Variants in ZMYM2 observed in about 807,000 individuals in gnomAD.
The protein encoded by ZMYM2 is zinc finger MYM-type containing 2, also known as zinc finger MYM-type protein 2.
Under a neutral mutation model 162.8 loss-of-function variants are expected in ZMYM2, and 56 were observed. The ratio of observed to expected loss-of-function variants is 0.34; its 90% CI spans 0.28 to 0.43. The LOEUF (loss-of-function observed/expected upper bound fraction) is 0.43. Ranked by LOEUF, ZMYM2 falls within the 20% of genes least tolerant of loss-of-function variation. The pLI, the probability that ZMYM2 is intolerant of heterozygous loss-of-function variation, is 1.00. For missense variants in ZMYM2, 1,275 were observed against 1,621.8 expected, an observed-to-expected ratio of 0.79 and a Z score of 3.67; for synonymous variants, 510 against 541.6, an observed-to-expected ratio of 0.94 and a Z score of 0.81.
the ZMYM2 span, among the ~76,000 whole-genome samples, chr13:19,950,168 A>G: frequency 2.0e-5 from 3 of 152,272 alleles, no homozygotes; most frequent in Admixed American, 2.0e-4. Flanking sequence ...CTGTGGTCCC[A>G]GCTACTTAGG....
At chr13:19,939,148 C>T in the ZMYM2 span, among the ~76,000 whole-genome samples, 16 of 151,196 alleles carry the variant, frequency 1.1e-4, no homozygotes, top group African/African-American at 3.2e-4. Flanking sequence ...CTCAGGCTCC[C>T]GAGTAACTGG....
chr13:19,921,749 G>T, the ZMYM2 span, among the ~76,000 whole-genome samples: 1 of 151,844 alleles, frequency 6.6e-6, no homozygotes, highest in Non-Finnish European at 1.5e-5. Flanking sequence ...ACCAAATTTT[G>T]TATGTGGTGT....
rs1336288026 is a variant in ZMYM2 at position 20,027,242 on chromosome 13, T to C, written c.1775T>C (p.Leu592Ser). 6.3e-7 allele frequency: 1 copy of C among 1,584,812 alleles called. No individual in the cohort carries two copies. Among genetic ancestry groups the C allele is most frequent in the Non-Finnish European group, 8.6e-7 (1 of 1,163,594 alleles). Residue 592 changes from leucine (L) to serine (S), a missense_variant, in exon 9 of 25, where the codon TTA (leucine) becomes TCA (serine). Leu to Ser is a moderately radical substitution (Grantham distance 145). This residue lies in a region of ZMYM2 where 276 missense variants were observed against 311.8 expected (regional missense o/e 0.89). Coordinates refer to ENST00000610343, the MANE Select transcript of ZMYM2 (RefSeq NM_197968.4). The stretch of plus-strand genomic sequence containing the variant: ...TGCCATTTTTGTAAGCGAAACTCTT[T>C]ACCTCAATACCAAGCCACAATGCCT... Reference protein sequence around the residue: ...IICHFCKRNSLPQYQATMPDG... With the variant: ...IICHFCKRNSSPQYQATMPDG...
chr13:20,060,539 A>G (rs1956150994), intron 16 of ZMYM2, among the ~76,000 whole-genome samples: 2 of 152,136 alleles, frequency 1.3e-5, no homozygotes, highest in South Asian at 2.1e-4. Flanking sequence ...TTAGTTGGGC[A>G]TGGTGGCACA....
Position 20,082,893 on chromosome 13 carries a change from T to C in ZMYM2, c.3681T>C (p.Phe1227=), listed in dbSNP as rs1957999317. ...TGTTCTACTTTAACACTAAGTATTTTGGCCTGAAAACAGTGGAACAACACT... is the reference window on the plus strand; with the variant it reads ...TGTTCTACTTTAACACTAAGTATTTCGGCCTGAAAACAGTGGAACAACACT... The part of the protein sequence containing the change: ...NTLFYFNTKY[F]GLKTVEQHLR... Residue 1227 remains phenylalanine, a synonymous_variant, in exon 23 of 25, where the codon TTT becomes TTC. Coordinates refer to ENST00000610343, the MANE Select transcript of ZMYM2 (RefSeq NM_197968.4). 1 of 1,613,844 alleles carries C rather than the reference T, an allele frequency of 6.2e-7. No homozygotes were observed. The highest frequency in any genetic ancestry group is 1.7e-5 in the Admixed American group (1 of 60,000).
intron 12 of ZMYM2, among the ~76,000 whole-genome samples, chr13:20,043,232 G>A (rs1954437018): frequency 6.6e-6 from 1 of 152,162 alleles, no homozygotes; most frequent in Non-Finnish European, 1.5e-5. Flanking sequence ...CTGTGCTGGG[G>A]AGACTGACGT....
the ZMYM2 span, among the ~76,000 whole-genome samples, chr13:19,903,818 C>T: frequency 6.6e-6 from 1 of 151,492 alleles, no homozygotes; most frequent in South Asian, 2.1e-4. Context: ...CACTGCACTT[C>T]AGCCTGGGTG....
rs182390563 is a variant in ZMYM2, at chr13:19,972,441, T to C, written c.-11+12415T>C. On this transcript the variant is annotated intron_variant, in intron 2 of 24. Coordinates refer to ENST00000610343, the MANE Select transcript of ZMYM2 (RefSeq NM_197968.4). Reference sequence around the variant, plus strand: ...ATCTTGTGTATGCCTTTTAAAAACATGTATAGTATAAATATCTTTTTGCAA... The same window carrying C: ...ATCTTGTGTATGCCTTTTAAAAACACGTATAGTATAAATATCTTTTTGCAA... 1.4e-4 allele frequency among the ~76,000 whole-genome samples: 22 copies of C among 152,316 alleles called. No individual in the cohort carries two copies. In the East Asian group the frequency reaches 4.0e-3, roughly 28 times the overall value.
At chr13:20,083,446 T>C (rs1257336628) in intron 23 of ZMYM2, among the ~76,000 whole-genome samples, 2 of 152,210 alleles carry the variant, frequency 1.3e-5, no homozygotes, top group Non-Finnish European at 2.9e-5. Flanking sequence ...GTTAAGAACC[T>C]AAGGACTGTC....
chr13:19,920,546 T>C, the ZMYM2 span, among the ~76,000 whole-genome samples: 2 of 128,998 alleles, frequency 1.6e-5, no homozygotes, highest in South Asian at 2.6e-4. Context: ...AAGGAGAGGA[T>C]GGGGAGGGGA....
At chr13:19,955,455 T>C (rs868280915), upstream of ZMYM2, among the ~76,000 whole-genome samples, 8 of 152,150 alleles carry the variant, frequency 5.3e-5, no homozygotes, top group Non-Finnish European at 1.0e-4. Context: ...ATCTAGCTAG[T>C]TGCTAGTTGT....
chr13:19,894,617 A>C, the ZMYM2 span, among the ~76,000 whole-genome samples: 1 of 151,962 alleles, frequency 6.6e-6, no homozygotes, highest in Non-Finnish European at 1.5e-5. Context: ...ATCGTTGGAC[A>C]GGCGTGAGCC....
intron 20 of ZMYM2, 21 bp from the exon 21 acceptor site, chr13:20,067,218 T>A: frequency 6.6e-7 from 1 of 1,513,732 alleles, no homozygotes; most frequent in Non-Finnish European, 8.9e-7. Context: ...AACAATTATT[T>A]TTTATTTTAT....
chr13:20,006,623 G>C, intron 6 of ZMYM2, 37 bp downstream of exon 6: 1 of 1,589,870 alleles, frequency 6.3e-7, no homozygotes, highest in South Asian at 1.1e-5. Flanking sequence ...GCATTCTTTA[G>C]AATGTTCTTG....
At chr13:19,959,433 A>C (rs1056109375) in intron 1 of ZMYM2, among the ~76,000 whole-genome samples, 4 of 151,784 alleles carry the variant, frequency 2.6e-5, no homozygotes, top group African/African-American at 9.7e-5. Context: ...CTTGCTCCGC[A>C]CGTATTGTTT....
chr13:19,939,985 G>A, the ZMYM2 span, among the ~76,000 whole-genome samples: 673 of 152,218 alleles, frequency 4.4e-3, 3 homozygotes, highest in Non-Finnish European at 7.1e-3. Flanking sequence ...GAACAATGTC[G>A]ATAACGTATT....
chr13:19,872,324 C>A, the ZMYM2 span, among the ~76,000 whole-genome samples: 1 of 151,978 alleles, frequency 6.6e-6, no homozygotes, highest in Non-Finnish European at 1.5e-5. Flanking sequence ...CTGAGGCGGG[C>A]AGATCAGTTG....
At chr13:19,910,329 CAGTT>C in the ZMYM2 span, among the ~76,000 whole-genome samples, 3 of 152,140 alleles carry the variant, frequency 2.0e-5, no homozygotes, top group South Asian at 2.1e-4. Context: ...AGGGTTCTAA[CAGTT>C]AGTTAGGTTG....
At chr13:20,012,766 A>G (rs186640873) in intron 6 of ZMYM2, among the ~76,000 whole-genome samples, 5 of 152,208 alleles carry the variant, frequency 3.3e-5, no homozygotes, top group African/African-American at 1.2e-4. Context: ...GACTTATCAC[A>G]CTTGTCAAAT....
Sources: gnomAD v4.1 joint callset for allele counts (sites outside exome capture counted in the v4.1 genomes callset) on GRCh38, gnomAD v4.1.1 for gene constraint, gnomAD v4.1.1 regional missense constraint, MANE v1.5 for transcripts, NCBI Gene and HGNC (gene_info 2026-07-23, HGNC 2026-07-21) for gene names.